Variants in LEPR observed in about 807,000 individuals in gnomAD.
LEPR encodes the protein OB receptor.
Under a neutral mutation model 114.7 loss-of-function variants are expected in LEPR, and 56 were observed. The ratio of observed to expected loss-of-function variants is 0.49; its 90% CI spans 0.39 to 0.61. The LOEUF is 0.61. Among genes scored for constraint, LEPR ranks in the 20% least tolerant of loss-of-function variants. The pLI is 0.00. For synonymous variants in LEPR, 443 were observed against 461.4 expected (o/e 0.96, Z 0.51); for missense variants, 1,202 against 1,352.9 (o/e 0.89, Z 1.75).
intron 2 of LEPR, among the ~76,000 whole-genome samples, chr1:65,425,800 GGTT>G: frequency 6.6e-6 from 1 of 152,326 alleles, no homozygotes; most frequent in East Asian, 1.9e-4. Context: ...GCATGGCAGA[GGTT>G]GTATCTGAGC....
intron 2 of LEPR, among the ~76,000 whole-genome samples, chr1:65,507,207 C>A (rs773120081): frequency 2.6e-5 from 4 of 151,830 alleles, no homozygotes; most frequent in African/African-American, 7.3e-5. Flanking sequence ...CCCGCCACCA[C>A]GCCTGGTTAA....
At chr1:65,489,899 AT>A (rs945749467) in intron 2 of LEPR, among the ~76,000 whole-genome samples, 8 of 151,526 alleles carry the variant, frequency 5.3e-5, no homozygotes, top group Non-Finnish European at 1.0e-4. Flanking sequence ...AGAAGGCACA[AT>A]TTTTTTTTCA....
chr1:65,606,448 A>G (rs76531368), intron 11 of LEPR, among the ~76,000 whole-genome samples: 2 of 152,202 alleles, frequency 1.3e-5, no homozygotes, highest in Non-Finnish European at 2.9e-5. Flanking sequence ...ACTTAGTACT[A>G]GAAAGTAACT....
At chr1:65,523,860 C>T (rs553882307) in intron 2 of LEPR, among the ~76,000 whole-genome samples, 3 of 152,250 alleles carry the variant, frequency 2.0e-5, no homozygotes, top group South Asian at 2.1e-4. Flanking sequence ...TTAAGAATCT[C>T]GAGATGAGAC....
chr1:65,547,498 C>G (rs984571801), intron 2 of LEPR, among the ~76,000 whole-genome samples: 37 of 151,844 alleles, frequency 2.4e-4, no homozygotes, highest in African/African-American at 4.4e-4. Flanking sequence ...TGTTATTGGT[C>G]TATTCAGAGA....
intron 2 of LEPR, chr1:65,430,120 C>T: frequency 7.7e-7 from 1 of 1,302,586 alleles, no homozygotes. Flanking sequence ...CTGGGACCTC[C>T]ATTTCATGCT....
At position 65,605,162 on chromosome 1, in the gene LEPR, A is replaced by G; in HGVS notation, c.1528A>G (p.Thr510Ala). 1 of 1,614,158 alleles carries G rather than the reference A, an allele frequency of 6.2e-7. No homozygotes were observed. Among genetic ancestry groups the G allele is most frequent in the Non-Finnish European group, 8.5e-7 (1 of 1,180,024 alleles). ...FQPIFLLSGY[T>A]MWIRINHSLG... ...GCCAATCTTCCTATTATCTGGCTAC[A>G]CAATGTGGATTAGGATCAATCACTC... Residue 510 changes from threonine to alanine, a missense_variant, in exon 11 of 20, where the codon ACA (threonine) becomes GCA (alanine). By Grantham distance (58) the Thr-to-Ala change is moderately conservative. Coordinates refer to ENST00000349533, the MANE Select transcript of LEPR (RefSeq NM_002303.6).
Position 65,637,036 on chromosome 1 carries a change from G to A in LEPR, c.*21G>A. The A allele has an allele frequency of 6.2e-7, 1 of 1,609,386 alleles. No homozygotes were observed. Among genetic ancestry groups the A allele is most frequent in the Non-Finnish European group, 8.5e-7 (1 of 1,178,000 alleles). ...TGTAATTTCACTGAAGAAACCTTCAGATTTGTGTTATAATGGGTAATATAA... is the reference window on the plus strand; with the variant it reads ...TGTAATTTCACTGAAGAAACCTTCAAATTTGTGTTATAATGGGTAATATAA... On this transcript the variant is annotated 3_prime_UTR_variant, in exon 20 of 20. Transcript: ENST00000349533.
intron 2 of LEPR, chr1:65,432,973 A>C (rs1646507895): frequency 1.0e-6 from 1 of 984,930 alleles, no homozygotes; most frequent in Non-Finnish European, 1.2e-6. Context: ...TCTCTCCCCC[A>C]AAAAAACATC....
At chr1:65,564,716 C>T (rs767969641) in intron 2 of LEPR, among the ~76,000 whole-genome samples, 2 of 152,192 alleles carry the variant, frequency 1.3e-5, no homozygotes, top group African/African-American at 4.8e-5. Context: ...AGATGAGGAA[C>T]CTGAGGTCTA....
intron 2 of LEPR, among the ~76,000 whole-genome samples, chr1:65,558,499 A>ATTTTTTTTTTTTTTTTTTTTTTTTT (rs1553165157): frequency 3.9e-5 from 1 of 25,558 alleles, no homozygotes; most frequent in African/African-American, 2.6e-4. Flanking sequence ...ATGTTTCTTA[A>ATTTTTTTTTTTTTTTTTTTTTTTTT]TGTTTTTTTT....
intron 17 of LEPR, among the ~76,000 whole-genome samples, chr1:65,620,294 T>C (rs1399340526): frequency 3.9e-5 from 6 of 152,204 alleles, no homozygotes; most frequent in African/African-American, 1.4e-4. Context: ...TATTACTTTT[T>C]AAATTGTCTT....
intron 2 of LEPR, among the ~76,000 whole-genome samples, chr1:65,534,376 C>T (rs999763877): frequency 2.6e-5 from 4 of 152,114 alleles, no homozygotes; most frequent in Non-Finnish European, 5.9e-5. Flanking sequence ...GAGGCCTTAG[C>T]TTACTTTAAC....
chr1:65,581,140 C>T (rs1329457342), intron 5 of LEPR, among the ~76,000 whole-genome samples: 3 of 152,170 alleles, frequency 2.0e-5, no homozygotes, highest in Non-Finnish European at 4.4e-5. Context: ...TGTATTTTCA[C>T]ACCACTTTGT....
At chr1:65,585,865 C>G (rs545858194) in intron 5 of LEPR, among the ~76,000 whole-genome samples, 1 of 151,882 alleles carries the variant, frequency 6.6e-6, no homozygotes, top group Non-Finnish European at 1.5e-5. Context: ...TTCTTAACTT[C>G]TTATACTGAC....
At position 65,633,314 on chromosome 1, in the gene LEPR, T is replaced by A. The variant is rs1174857406; in HGVS notation, c.2674-2877T>A. On this transcript the variant is annotated intron_variant, in intron 19 of 19. Coordinates refer to ENST00000349533, the MANE Select transcript of LEPR (RefSeq NM_002303.6). This position sits in a 1 kb window ranked among gnomAD's most constrained non-coding sequence, Gnocchi z 4.1. Reference sequence around the variant, plus strand: ...CTTCTGAGAGTTAACATATGGTGGATTATGTTGATTTAGAACTTAAAATAG... The same window carrying A: ...CTTCTGAGAGTTAACATATGGTGGAATATGTTGATTTAGAACTTAAAATAG... The A allele has an allele frequency of 6.9e-7, 1 of 1,439,538 alleles. No individual in the cohort carries two copies. The highest frequency in any genetic ancestry group is 9.1e-7 in the Non-Finnish European group (1 of 1,097,926). 89.2% of individuals were successfully genotyped at this position (1,439,538 alleles called of 1,614,324 possible).
Position 65,431,935 on chromosome 1 carries a change from A to G in LEPR, c.-21+6557A>G, listed in dbSNP as rs759450327. On this transcript the variant is annotated intron_variant, in intron 2 of 19. Coordinates refer to ENST00000349533, the MANE Select transcript of LEPR (RefSeq NM_002303.6). Reference sequence around the variant, plus strand: ...GCAGTGGTAGCACTTTATTCTGATTACAGTGCATTGAATTTCTTAGAACTC... The same window carrying G: ...GCAGTGGTAGCACTTTATTCTGATTGCAGTGCATTGAATTTCTTAGAACTC... The G allele has an allele frequency of 2.5e-6, 4 of 1,609,078 alleles. No homozygotes were observed. The African/African-American group carries it at 5.4e-5, about 22-fold the overall frequency.
At chr1:65,500,955 C>G (rs1193597776) in intron 2 of LEPR, among the ~76,000 whole-genome samples, 1 of 151,954 alleles carries the variant, frequency 6.6e-6, no homozygotes, top group African/African-American at 2.4e-5. Context: ...CTAGTAATTC[C>G]TCATAATATT....
chr1:65,422,900 C>A (rs1018441470), intron 1 of LEPR, among the ~76,000 whole-genome samples: 1 of 152,198 alleles, frequency 6.6e-6, no homozygotes, highest in African/African-American at 2.4e-5. Flanking sequence ...GTTGAAAGAT[C>A]ACTGTCTGCT....
Sources: allele counts gnomAD v4.1 joint callset (sites outside exome capture counted in the v4.1 genomes callset), GRCh38; gene constraint gnomAD v4.1.1; non-coding constraint Gnocchi (gnomAD v3.1); transcripts MANE v1.5; gene names NCBI Gene and HGNC (gene_info 2026-07-23, HGNC 2026-07-21).